The following KAZN variants were observed in gnomAD, a reference collection of about 807,000 sequenced individuals.
KAZN encodes kazrin, periplakin interacting protein.
In KAZN, 40 loss-of-function variants were observed where a neutral mutation model predicts 87.4. The observed-to-expected ratio is 0.46, with a 90% CI of 0.36 to 0.60. The LOEUF (loss-of-function observed/expected upper bound fraction) is 0.60. Among genes scored for constraint, KAZN ranks in the 20% least tolerant of loss-of-function variants. The pLI is 0.00. For missense variants in KAZN, 898 were observed against 1,073.9 expected (o/e 0.84, Z 2.29); for synonymous variants, 466 against 458.3 (o/e 1.02, Z -0.22).
At chr1:15,057,748 C>T (rs1339778618) in intron 5 of KAZN, among the ~76,000 whole-genome samples, 2 of 152,218 alleles carry the variant, frequency 1.3e-5, no homozygotes, top group Admixed American at 6.5e-5. Context: ...GTCTCACAGC[C>T]CAGCCATGCA....
chr1:14,343,615 G>C (rs1188754698), intron 2 of KAZN, among the ~76,000 whole-genome samples: 1 of 152,100 alleles, frequency 6.6e-6, no homozygotes, highest in East Asian at 1.9e-4. Context: ...TCTCGGCCCT[G>C]ACAACTCTAC....
intron 3 of KAZN, 52 bp downstream of exon 3, chr1:15,034,937 T>C: frequency 7.0e-7 from 1 of 1,423,746 alleles, no homozygotes; most frequent in Non-Finnish European, 9.5e-7. Context: ...AGCTCCCACC[T>C]CCCCTGCTGG....
intron 10 of KAZN, among the ~76,000 whole-genome samples, chr1:15,100,974 C>T (rs1641034370): frequency 1.3e-5 from 2 of 152,114 alleles, no homozygotes; most frequent in Non-Finnish European, 2.9e-5. Flanking sequence ...GTGGAGGCCC[C>T]CAGGGAAATG....
intron 2 of KAZN, among the ~76,000 whole-genome samples, chr1:14,271,033 A>G (rs1328645066): frequency 6.6e-6 from 1 of 152,144 alleles, no homozygotes; most frequent in Non-Finnish European, 1.5e-5. Context: ...TCAACAACAG[A>G]AATTTATTTT....
intron 2 of KAZN, among the ~76,000 whole-genome samples, chr1:14,345,805 C>A (rs767013201): frequency 6.6e-6 from 1 of 152,134 alleles, no homozygotes; most frequent in Non-Finnish European, 1.5e-5. Context: ...CCTTTGAACA[C>A]CACTGTGCTG....
intron 1 of KAZN, among the ~76,000 whole-genome samples, chr1:14,888,174 T>A (rs1278284712): frequency 6.6e-6 from 1 of 152,224 alleles, no homozygotes; most frequent in Non-Finnish European, 1.5e-5. Context: ...ACAGTGAGCG[T>A]GCCTCGCCGG....
chr1:14,549,906 A>T (rs867247704), intron 2 of KAZN, among the ~76,000 whole-genome samples: 1 of 152,292 alleles, frequency 6.6e-6, no homozygotes, highest in African/African-American at 2.4e-5. Context: ...TGGTCCCTGG[A>T]GATTTCCCTT....
At chr1:14,699,042 T>C (rs941045942) in intron 1 of KAZN, among the ~76,000 whole-genome samples, 1 of 152,176 alleles carries the variant, frequency 6.6e-6, no homozygotes, top group Non-Finnish European at 1.5e-5. Context: ...TCTTCCAGCG[T>C]CTGGCTGTAG....
intron 2 of KAZN, among the ~76,000 whole-genome samples, chr1:14,338,525 A>T (rs893959797): frequency 1.3e-5 from 2 of 150,730 alleles, no homozygotes; most frequent in African/African-American, 4.9e-5. Flanking sequence ...AGAGAGTGAG[A>T]GAGAGAAAAG....
rs1639268265 is a variant in KAZN at position 15,066,980 on chromosome 1, C to G, written c.1222+1227C>G. 3.0e-6 allele frequency: 3 copies of G among 985,408 alleles called. No homozygotes were observed. The African/African-American group carries it at 5.2e-5, about 17-fold the overall frequency. 61.0% of individuals were successfully genotyped at this position (985,408 alleles called of 1,614,324 possible). A position where few individuals can be genotyped will look rare whatever the true frequency, so the allele number is the denominator to read the frequency against. On this transcript the variant is annotated intron_variant, in intron 8 of 14. Transcript: ENST00000376030. The surrounding 1 kb of genome is among the most constrained non-coding windows in gnomAD (Gnocchi z 4.3). ...ACAGTCATGGTCCCCTTCTTTGGGT[C>G]TGTCTTTTGAGAGAGGTTGAGTTCA...
chr1:14,517,580 G>T (rs1671364483), intron 2 of KAZN, among the ~76,000 whole-genome samples: 1 of 152,204 alleles, frequency 6.6e-6, no homozygotes, highest in African/African-American at 2.4e-5. Flanking sequence ...CACAGCATGA[G>T]CTTAAGCTCT....
intron 1 of KAZN, among the ~76,000 whole-genome samples, chr1:14,871,649 A>AGTGTGT (rs3033520): frequency 0.055 from 7,931 of 144,426 alleles, 257 homozygotes; most frequent in South Asian, 0.11. Context: ...CATGAGCAGC[A>AGTGTGT]GTGTGTGTGT....
intron 1 of KAZN, among the ~76,000 whole-genome samples, chr1:14,668,751 G>A (rs534635173): frequency 1.3e-5 from 2 of 152,152 alleles, no homozygotes; most frequent in Non-Finnish European, 2.9e-5. Context: ...GACTGTAAAC[G>A]TCATCTCCCC....
intron 1 of KAZN, among the ~76,000 whole-genome samples, chr1:14,605,883 G>A (rs757593346): frequency 6.6e-6 from 1 of 152,152 alleles, no homozygotes; most frequent in Admixed American, 6.5e-5. Context: ...ACTACAATGG[G>A]GATGATAGTA....
intron 8 of KAZN, among the ~76,000 whole-genome samples, chr1:15,075,268 A>G (rs1331419394): frequency 2.0e-5 from 3 of 152,022 alleles, no homozygotes; most frequent in East Asian, 3.9e-4. Context: ...CTCCAACCAT[A>G]AGACTCAACT....
rs1160554141 is a variant in KAZN, at chr1:14,996,011, G to A, written c.418+35136G>A. ...CAGTCAGCTGGACCCAAGGGCGGCTGCCCTATAAGACACCTAATGCCATCC... is the reference window on the plus strand; with the variant it reads ...CAGTCAGCTGGACCCAAGGGCGGCTACCCTATAAGACACCTAATGCCATCC... On this transcript the variant is annotated intron_variant, in intron 2 of 14. Coordinates refer to ENST00000376030, the MANE Select transcript of KAZN (RefSeq NM_201628.3). This position sits in a 1 kb window ranked among gnomAD's most constrained non-coding sequence, Gnocchi z 5.9. Among the ~76,000 whole-genome samples, 2 of 151,728 alleles carry A rather than the reference G, an allele frequency of 1.3e-5. No homozygotes were observed. Among genetic ancestry groups the A allele is most frequent in the African/African-American group, 4.8e-5 (2 of 41,410 alleles).
At chr1:15,064,594 C>T (rs1235323799) in intron 7 of KAZN, among the ~76,000 whole-genome samples, 14 of 152,192 alleles carry the variant, frequency 9.2e-5, no homozygotes, top group African/African-American at 2.7e-4. Flanking sequence ...GACAAGAAAA[C>T]GTCTCAGAGC....
At chr1:13,965,696 G>A (rs976482960) in intron 1 of KAZN, among the ~76,000 whole-genome samples, 25 of 152,294 alleles carry the variant, frequency 1.6e-4, no homozygotes, top group Middle Eastern at 3.4e-3. Context: ...AATTCACTCC[G>A]CAGCGACTTC....
chr1:14,535,081 G>A (rs1422339321), intron 2 of KAZN, among the ~76,000 whole-genome samples: 3 of 151,930 alleles, frequency 2.0e-5, no homozygotes, highest in African/African-American at 7.3e-5. Context: ...TCCCTCTCTG[G>A]GACTTCCCAT....
Sources: allele counts gnomAD v4.1 joint callset (sites outside exome capture counted in the v4.1 genomes callset), GRCh38; gene constraint gnomAD v4.1.1; non-coding constraint Gnocchi (gnomAD v3.1); transcripts MANE v1.5; gene names NCBI Gene and HGNC (gene_info 2026-07-23, HGNC 2026-07-21).